Variants in HELLS observed in about 807,000 individuals in gnomAD.
HELLS encodes lymphoid-specific helicase.
A neutral mutation model predicts 120.0 loss-of-function variants in HELLS; 32 were observed. The ratio of observed to expected loss-of-function variants is 0.27; its 90% CI spans 0.20 to 0.36. The LOEUF is 0.36. Ranked by LOEUF, HELLS falls within the 10% of genes least tolerant of loss-of-function variation. The probability of loss-of-function intolerance (pLI) is 1.00; values close to 1 mark genes in which losing one functional copy is unlikely to be tolerated. For missense variants in HELLS, 650 were observed against 993.4 expected (o/e 0.65, Z 4.65); for synonymous variants, 341 against 323.4 (o/e 1.05, Z -0.58).
intron 3 of HELLS, among the ~76,000 whole-genome samples, chr10:94,556,738 C>A (rs1241553838): frequency 6.6e-6 from 1 of 152,178 alleles, no homozygotes; most frequent in Admixed American, 6.5e-5. Flanking sequence ...CACTTACCTT[C>A]ATTTTTGAAA....
At chr10:94,559,498 T>G (rs1843441917) in intron 4 of HELLS, among the ~76,000 whole-genome samples, 1 of 151,888 alleles carries the variant, frequency 6.6e-6, no homozygotes, top group Non-Finnish European at 1.5e-5. Flanking sequence ...CAGGCTGGAG[T>G]GCAGTGGTGC....
In HELLS at chr10:94,592,464, A is replaced by G; in HGVS notation, c.1921A>G (p.Asn641Asp). The change falls in exon 17 of 22, where the codon AAC becomes GAC. Residue 641 changes from asparagine to aspartate, a missense_variant. Physicochemically the swap from Asn to Asp is conservative, Grantham distance 23. Transcript: ENST00000348459. ...LMDYCHLRDF[N>D]FSRLDGSMSY... is the part of the protein sequence containing the mutation. Reference sequence around the variant, plus strand: ...GGATTACTGCCATCTCAGAGATTTCAACTTCAGCAGGCTTGATGGGTCCAT... The same window carrying G: ...GGATTACTGCCATCTCAGAGATTTCGACTTCAGCAGGCTTGATGGGTCCAT... The G allele has an allele frequency of 6.3e-7, 1 of 1,579,932 alleles. No individual in the cohort carries two copies. Among genetic ancestry groups the G allele is most frequent in the Non-Finnish European group, 8.6e-7 (1 of 1,167,694 alleles).
intron 10 of HELLS, among the ~76,000 whole-genome samples, chr10:94,578,849 AGTTCACAATAGT>A (rs1303574883): frequency 2.0e-5 from 3 of 152,210 alleles, no homozygotes; most frequent in African/African-American, 7.2e-5. Flanking sequence ...TTGGATGTGC[AGTTCACAATAGT>A]GTTCATGCTC....
rs1843617464 is a variant in HELLS, at chr10:94,562,701, C to G, written c.344C>G (p.Ser115Ter). 1 of 1,585,806 alleles carries G rather than the reference C, an allele frequency of 6.3e-7. No individual in the cohort carries two copies. Among genetic ancestry groups the G allele is most frequent in the Non-Finnish European group, 8.6e-7 (1 of 1,160,396 alleles). Residue 115 changes from serine to a stop codon, truncating the protein, a stop_gained, in exon 5 of 22, where the codon TCA becomes TGA. Coordinates refer to ENST00000348459, the MANE Select transcript of HELLS (RefSeq NM_018063.5). LOFTEE classifies it high-confidence loss of function. ...ESLKVKKGKN[S>*]IDASEEKPVM... Reference sequence around the variant, plus strand: ...ATCCTTGTTTTGTAGGGTAAAAATTCAATTGATGCAAGTGAAGAGAAGCCA... The same window carrying G: ...ATCCTTGTTTTGTAGGGTAAAAATTGAATTGATGCAAGTGAAGAGAAGCCA...
At chr10:94,575,609 G>C (rs1844404915) in intron 9 of HELLS, among the ~76,000 whole-genome samples, 1 of 152,080 alleles carries the variant, frequency 6.6e-6, no homozygotes, top group Admixed American at 6.6e-5. Flanking sequence ...TTTTGGTAGA[G>C]ACAGGATTTC....
intron 10 of HELLS, among the ~76,000 whole-genome samples, chr10:94,577,991 AAGCGGAGCTTGCAGTG>A (rs1844595173): frequency 6.7e-6 from 1 of 148,926 alleles, no homozygotes; most frequent in South Asian, 2.1e-4. Flanking sequence ...TGAACCCGGG[AAGCGGAGCTTGCAGTG>A]AGCCGAGATT....
chr10:94,578,100 C>T (rs977126972), intron 10 of HELLS, among the ~76,000 whole-genome samples: 5 of 120,882 alleles, frequency 4.1e-5, no homozygotes, highest in Non-Finnish European at 7.1e-5. Flanking sequence ...AAAAAAAATA[C>T]AAAAATTAGC....
intron 6 of HELLS, among the ~76,000 whole-genome samples, chr10:94,565,090 A>G (rs1843725450): frequency 6.6e-6 from 1 of 152,192 alleles, no homozygotes; most frequent in Non-Finnish European, 1.5e-5. Context: ...TAATCCCAGC[A>G]TTTTGGGAGG....
chr10:94,574,765 A>G, intron 9 of HELLS, 29 bp downstream of exon 9: 1 of 1,529,352 alleles, frequency 6.5e-7, no homozygotes, highest in Non-Finnish European at 9.0e-7. Context: ...TGTTAAAATT[A>G]TAATTTTACA....
downstream of HELLS, among the ~76,000 whole-genome samples, chr10:94,604,009 G>A (rs149064090): frequency 4.4e-4 from 67 of 151,776 alleles, no homozygotes; most frequent in East Asian, 0.012. Flanking sequence ...TATATTTTTA[G>A]TAGAGACTGG....
intron 12 of HELLS, among the ~76,000 whole-genome samples, chr10:94,585,441 C>T (rs1845092980): frequency 7.4e-6 from 1 of 135,998 alleles, no homozygotes; most frequent in South Asian, 2.2e-4. Flanking sequence ...CACTCTGTTG[C>T]CCAGGCCTGG....
At chr10:94,581,291 T>C in intron 10 of HELLS, 35 bp from the exon 11 acceptor site, 1 of 1,317,720 alleles carries the variant, frequency 7.6e-7, no homozygotes, top group Non-Finnish European at 1.0e-6. Context: ...GTGAGATCAT[T>C]GTTTAAAAAT....
intron 4 of HELLS, 45 bp from the exon 5 acceptor site, chr10:94,562,646 T>G: frequency 3.0e-6 from 4 of 1,340,312 alleles, no homozygotes; most frequent in Non-Finnish European, 4.2e-6. Flanking sequence ...TATAATACTA[T>G]GAAGGTCCTT....
chr10:94,610,289 T>G (rs1322477819), exon 10 of HELLS: 3 of 152,044 alleles, frequency 2.0e-5, no homozygotes, highest in African/African-American at 7.2e-5. Flanking sequence ...AAATACTGTT[T>G]CCTAGAATTA....
intron 8 of HELLS, among the ~76,000 whole-genome samples, chr10:94,607,719 GTT>G (rs887160690): frequency 6.7e-6 from 1 of 148,716 alleles, no homozygotes; most frequent in East Asian, 2.0e-4. Context: ...TTTTAGATAA[GTT>G]TTTTTTTTGT....
intron 7 of HELLS, among the ~76,000 whole-genome samples, chr10:94,573,462 TTTA>T (rs1328709043): frequency 1.3e-5 from 2 of 151,544 alleles, no homozygotes; most frequent in Non-Finnish European, 2.9e-5. Flanking sequence ...TATATTTTAT[TTTA>T]TTTTATTTTA....
chr10:94,593,971 A>ATT (rs904284453), intron 18 of HELLS, among the ~76,000 whole-genome samples: 18 of 122,286 alleles, frequency 1.5e-4, no homozygotes, highest in East Asian at 4.6e-4. Flanking sequence ...TCCATTCTGA[A>ATT]TTTTTTTTTT....
At chr10:94,567,776 T>TGTGGTGGC (rs1401629124) in intron 6 of HELLS, among the ~76,000 whole-genome samples, 4 of 151,810 alleles carry the variant, frequency 2.6e-5, no homozygotes, top group African/African-American at 9.7e-5. Flanking sequence ...GGTGTGGTGG[T>TGTGGTGGC]GCATGACTTT....
At chr10:94,559,566 C>T (rs965719532) in intron 4 of HELLS, among the ~76,000 whole-genome samples, 2 of 152,108 alleles carry the variant, frequency 1.3e-5, no homozygotes, top group African/African-American at 2.4e-5. Context: ...CTGCCTCAGC[C>T]TCCCGAGTAG....
Sources: gnomAD v4.1 joint callset for allele counts (sites outside exome capture counted in the v4.1 genomes callset) on GRCh38, gnomAD v4.1.1 for gene constraint, MANE v1.5 for transcripts, NCBI Gene and HGNC (gene_info 2026-07-23, HGNC 2026-07-21) for gene names.